Variants in CST9 observed in about 807,000 individuals in gnomAD.
CST9 encodes cystatin-9.
CST9 carries 11 observed loss-of-function variants against 7.7 expected under a neutral mutation model. The observed-to-expected ratio is 1.44, with a 90% CI of 0.90 to 2.38. CST9 has a LOEUF of 2.38. Among genes scored for constraint, CST9 ranks in the 30% most tolerant of loss-of-function variants. The pLI is 0.00. For missense variants in CST9, 214 were observed against 199.1 expected (o/e 1.07, Z -0.45); for synonymous variants, 71 against 74.3 (o/e 0.96, Z 0.23).
intron 1 of CST9, 55 bp from the exon 2 acceptor site, chr20:23,603,789 C>G (rs1978687401): frequency 6.4e-7 from 1 of 1,568,286 alleles, no homozygotes. Flanking sequence ...CCCTAAGTAG[C>G]TACTAGTGAA....
At position 23,602,847 on chromosome 20, in the gene CST9, C is replaced by G. The variant is rs193141632; in HGVS notation, c.*663G>C. On this transcript the variant is annotated 3_prime_UTR_variant, in exon 2 of 2. Coordinates refer to ENST00000376971, the MANE Select transcript of CST9 (RefSeq NM_001008693.3). Reference sequence around the variant, plus strand: ...GGGCCAGCAATTGTGCCACGTGGCTCTGGCCTTCAGGTCTAGCCTGAGCCT... The same window carrying G: ...GGGCCAGCAATTGTGCCACGTGGCTGTGGCCTTCAGGTCTAGCCTGAGCCT... 2 of 985,786 alleles carry G rather than the reference C, an allele frequency of 2.0e-6. No homozygotes were observed. Among genetic ancestry groups the G allele is most frequent in the African/African-American group, 3.5e-5 (2 of 57,368 alleles). 61.1% of individuals were successfully genotyped at this position (985,786 alleles called of 1,614,324 possible). A position where few individuals can be genotyped will look rare whatever the true frequency, so the allele number is the denominator to read the frequency against.
At chr20:23,604,393 A>G (rs1437732523) in intron 1 of CST9, among the ~76,000 whole-genome samples, 1 of 152,144 alleles carries the variant, frequency 6.6e-6, no homozygotes, top group African/African-American at 2.4e-5. Flanking sequence ...TGATGCTGGG[A>G]TTGCCATATC....
rs761342879 is a variant in CST9 at position 23,603,496 on chromosome 20, A to C, written c.*14T>G. The C allele has an allele frequency of 6.2e-7, 1 of 1,613,596 alleles. No homozygotes were observed. Among genetic ancestry groups the C allele is most frequent in the Admixed American group, 1.7e-5 (1 of 59,950 alleles). On this transcript the variant is annotated 3_prime_UTR_variant, in exon 2 of 2. Coordinates refer to ENST00000376971, the MANE Select transcript of CST9 (RefSeq NM_001008693.3). ...AGGCACAAGCAGGGCAGCCTGGTAC[A>C]GCCTGCTGTGGGCTCACTTCCCTTT...
In CST9 at chr20:23,602,435, C is replaced by G. The variant is rs1978636927; in HGVS notation, c.*1075G>C. On this transcript the variant is annotated 3_prime_UTR_variant, in exon 2 of 2. Transcript: ENST00000376971. Reference sequence around the variant, plus strand: ...TTCTGCAAATGCTGATGTTTAATGACCTATTCTACTTGAGGAACCTGGACA... The same window carrying G: ...TTCTGCAAATGCTGATGTTTAATGAGCTATTCTACTTGAGGAACCTGGACA... 6.6e-6 allele frequency: 1 copy of G among 152,434 alleles called. No homozygotes were observed. Among genetic ancestry groups the G allele is most frequent in the Admixed American group, 6.5e-5 (1 of 15,274 alleles). The allele number at this position is 152,434 out of a possible 1,614,324, so 9.4% of individuals were successfully genotyped here.
At chr20:23,604,213 C>T (rs779275723) in intron 1 of CST9, among the ~76,000 whole-genome samples, 12 of 152,142 alleles carry the variant, frequency 7.9e-5, no homozygotes, top group Admixed American at 3.9e-4. Flanking sequence ...TGACACACAG[C>T]GCTCCCACTA....
Position 23,603,426 on chromosome 20 carries a change from T to C in CST9, c.*84A>G. ...AGGAAACTCAGATTGGCCAGGGGCCTGAAAGTGAACCCCTGGGCTTAATGC... is the reference window on the plus strand; with the variant it reads ...AGGAAACTCAGATTGGCCAGGGGCCCGAAAGTGAACCCCTGGGCTTAATGC... On this transcript the variant is annotated 3_prime_UTR_variant, in exon 2 of 2. Coordinates refer to ENST00000376971, the MANE Select transcript of CST9 (RefSeq NM_001008693.3). 4 of 1,523,618 alleles carry C rather than the reference T, an allele frequency of 2.6e-6. No homozygotes were observed. Among genetic ancestry groups the C allele is most frequent in the Non-Finnish European group, 3.5e-6 (4 of 1,134,604 alleles). The allele number at this position is 1,523,618 out of a possible 1,614,324, so 94.4% of individuals were successfully genotyped here.
Position 23,602,634 on chromosome 20 carries a change from C to T in CST9, c.*876G>A, listed in dbSNP as rs971939870. The T allele has an allele frequency of 1.2e-5, 11 of 951,608 alleles. 1 individual carries two copies. The Admixed American group carries it at 4.3e-4, about 37-fold the overall frequency. 58.9% of individuals were successfully genotyped at this position (951,608 alleles called of 1,614,324 possible). A position where few individuals can be genotyped will look rare whatever the true frequency, so the allele number is the denominator to read the frequency against. Reference sequence around the variant, plus strand: ...TGTGAGTGGCTTCCACTCAGGAGAGCCCCTCTGAGCAGGTCTTGTTCAGGA... The same window carrying T: ...TGTGAGTGGCTTCCACTCAGGAGAGTCCCTCTGAGCAGGTCTTGTTCAGGA... On this transcript the variant is annotated 3_prime_UTR_variant, in exon 2 of 2. Coordinates refer to ENST00000376971, the MANE Select transcript of CST9 (RefSeq NM_001008693.3).
chr20:23,605,717 T>C lies in CST9; in HGVS notation c.148A>G (p.Thr50Ala). 1 of 1,614,246 alleles carries C rather than the reference T, an allele frequency of 6.2e-7. No individual in the cohort carries two copies. Among genetic ancestry groups the C allele is most frequent in the Non-Finnish European group, 8.5e-7 (1 of 1,180,054 alleles). ...KIVQDPMFLA[T>A]VEFALNTFNV... ...AAAGTGTTCAAGGCAAACTCCACTG[T>C]GGCGAGGAACATAGGATCCTGGACT... The change falls in exon 1 of 2, where the codon ACA becomes GCA. Residue 50 changes from threonine (T) to alanine (A), a missense_variant. By Grantham distance (58) the Thr-to-Ala change is moderately conservative. Transcript: ENST00000376971.
chr20:23,603,260 T>C lies in CST9; in HGVS notation c.*250A>G, dbSNP rs1369916340. On this transcript the variant is annotated 3_prime_UTR_variant, in exon 2 of 2. Coordinates refer to ENST00000376971, the MANE Select transcript of CST9 (RefSeq NM_001008693.3). ...CAGGGTAGGGAAACCCTGAGAAAAGTACCCACAGACATTGTCACCATTGTC... is the reference window on the plus strand; with the variant it reads ...CAGGGTAGGGAAACCCTGAGAAAAGCACCCACAGACATTGTCACCATTGTC... 13 of 1,367,012 alleles carry C rather than the reference T, an allele frequency of 9.5e-6. No individual in the cohort carries two copies. Among genetic ancestry groups the C allele is most frequent in the Admixed American group, 6.2e-5 (2 of 32,030 alleles). 84.7% of individuals were successfully genotyped at this position (1,367,012 alleles called of 1,614,324 possible).
chr20:23,603,343 T>C lies in CST9; in HGVS notation c.*167A>G. On this transcript the variant is annotated 3_prime_UTR_variant, in exon 2 of 2. Transcript: ENST00000376971. Reference sequence around the variant, plus strand: ...GTGGGGAGGAAGACCAGAGAGAAGGTTCTGAAGGCCATGTGGCCCAGGTGC... The same window carrying C: ...GTGGGGAGGAAGACCAGAGAGAAGGCTCTGAAGGCCATGTGGCCCAGGTGC... 1 of 1,440,166 alleles carries C rather than the reference T, an allele frequency of 6.9e-7. No homozygotes were observed. Among genetic ancestry groups the C allele is most frequent in the South Asian group, 1.5e-5 (1 of 67,018 alleles). 89.2% of individuals were successfully genotyped at this position (1,440,166 alleles called of 1,614,324 possible).
Position 23,603,509 on chromosome 20 carries a change from C to T in CST9, c.*1G>A. 1 of 1,614,048 alleles carries T rather than the reference C, an allele frequency of 6.2e-7. No individual in the cohort carries two copies. Among genetic ancestry groups the T allele is most frequent in the Non-Finnish European group, 8.5e-7 (1 of 1,179,942 alleles). On this transcript the variant is annotated 3_prime_UTR_variant, in exon 2 of 2. Coordinates refer to ENST00000376971, the MANE Select transcript of CST9 (RefSeq NM_001008693.3). ...GCAGCCTGGTACAGCCTGCTGTGGG[C>T]TCACTTCCCTTTGTCCCTCGGAATG...
rs572733564 is a variant in CST9, at chr20:23,605,678, T to C, written c.187A>G (p.Lys63Glu). ...FALNTFNVQS[K>E]EEHAYRLLRV... ...AACAGCCTGTAGGCATGCTCCTCCTTGCTCTGCACGTTGAAAGTGTTCAAG... is the reference window on the plus strand; with the variant it reads ...AACAGCCTGTAGGCATGCTCCTCCTCGCTCTGCACGTTGAAAGTGTTCAAG... Residue 63 changes from lysine (K) to glutamate (E), a missense_variant, in exon 1 of 2, where the codon AAG becomes GAG. Physicochemically the swap from Lys to Glu is moderately conservative, Grantham distance 56. Coordinates refer to ENST00000376971, the MANE Select transcript of CST9 (RefSeq NM_001008693.3). 5 of 1,614,192 alleles carry C rather than the reference T, an allele frequency of 3.1e-6. No homozygotes were observed. The African/African-American group carries it at 6.7e-5, about 22-fold the overall frequency.
In CST9 at chr20:23,602,882, C is replaced by G; in HGVS notation, c.*628G>C. The G allele has an allele frequency of 1.0e-6, 1 of 987,498 alleles. No homozygotes were observed. The highest frequency in any genetic ancestry group is 4.7e-5 in the South Asian group (1 of 21,320). The allele number at this position is 987,498 out of a possible 1,614,324, so 61.2% of individuals were successfully genotyped here. On this transcript the variant is annotated 3_prime_UTR_variant, in exon 2 of 2. Transcript: ENST00000376971. ...GGTCTAGCCTGAGCCTGAGGCCAAT[C>G]CTGAACTACAACGTGATTTGAGGCT...
At chr20:23,604,319 C>A (rs562189910) in intron 1 of CST9, among the ~76,000 whole-genome samples, 1 of 152,312 alleles carries the variant, frequency 6.6e-6, no homozygotes, top group South Asian at 2.1e-4. Flanking sequence ...CCTTCCCACT[C>A]CATTCTATTT....
Position 23,602,774 on chromosome 20 carries a change from T to A in CST9, c.*736A>T, listed in dbSNP as rs1978647617. The A allele has an allele frequency of 3.0e-6, 3 of 985,620 alleles. No homozygotes were observed. The highest frequency in any genetic ancestry group is 3.6e-6 in the Non-Finnish European group (3 of 830,084). 61.1% of individuals were successfully genotyped at this position (985,620 alleles called of 1,614,324 possible). ...GGTTTGGGGAGGTTCGGGAATCTTGTGGCATCTGCCCTCAACACAGGTTCC... is the reference window on the plus strand; with the variant it reads ...GGTTTGGGGAGGTTCGGGAATCTTGAGGCATCTGCCCTCAACACAGGTTCC... On this transcript the variant is annotated 3_prime_UTR_variant, in exon 2 of 2. Transcript: ENST00000376971.
chr20:23,605,819 G>T lies in CST9; in HGVS notation c.46C>A (p.Leu16Met), dbSNP rs770383370. The T allele has an allele frequency of 1.2e-5, 20 of 1,614,234 alleles. No individual in the cohort carries two copies. Among genetic ancestry groups the T allele is most frequent in the Non-Finnish European group, 1.7e-5 (20 of 1,180,034 alleles). Residue 16 changes from leucine to methionine, a missense_variant, in exon 1 of 2, where the codon CTG becomes ATG. Physicochemically the swap from Leu to Met is conservative, Grantham distance 15. Transcript: ENST00000376971. ...RRKAMPWALSLLLMGFQLLVT... is the reference protein window; with the variant it reads ...RRKAMPWALSMLLMGFQLLVT... ...AGGAGCTGGAAGCCCATGAGAAGCA[G>T]TGACAGTGCCCAGGGCATAGCCTTC...
intron 1 of CST9, among the ~76,000 whole-genome samples, chr20:23,604,807 G>A (rs1568692589): frequency 6.6e-6 from 1 of 152,228 alleles, no homozygotes. Context: ...CAGAGCTTAA[G>A]CTCTGTGCGG....
intron 1 of CST9, among the ~76,000 whole-genome samples, chr20:23,605,078 A>C (rs1978724059): frequency 1.3e-5 from 2 of 152,212 alleles, no homozygotes; most frequent in Non-Finnish European, 1.5e-5. Flanking sequence ...AGCCCAGAGA[A>C]GGTGGAGATC....
Position 23,605,637 on chromosome 20 carries a change from T to C in CST9, c.228A>G (p.Ser76=). The C allele has an allele frequency of 6.2e-7, 1 of 1,614,052 alleles. No individual in the cohort carries two copies. Among genetic ancestry groups the C allele is most frequent in the Non-Finnish European group, 8.5e-7 (1 of 1,180,004 alleles). The change falls in exon 1 of 2, where the codon TCA becomes TCG. Residue 76 remains serine (S), a synonymous_variant. Transcript: ENST00000376971. ...HAYRLLRVLS[S]WREDSMDRKW... Reference sequence around the variant, plus strand: ...TTCTGTCCATGCTATCCTCCCTCCATGAACTCAGGACGCGCAACAGCCTGT... The same window carrying C: ...TTCTGTCCATGCTATCCTCCCTCCACGAACTCAGGACGCGCAACAGCCTGT...
Sources: gnomAD v4.1 joint callset for allele counts (sites outside exome capture counted in the v4.1 genomes callset) on GRCh38, gnomAD v4.1.1 for gene constraint, MANE v1.5 for transcripts, NCBI Gene and HGNC (gene_info 2026-07-23, HGNC 2026-07-21) for gene names.